The following DNAH11 variants were observed in gnomAD, a reference collection of about 807,000 sequenced individuals.
DNAH11 encodes dynein axonemal heavy chain 11, also known as axonemal beta dynein heavy chain 11.
DNAH11 carries 442 observed loss-of-function variants against 526.0 expected under a neutral mutation model. The observed-to-expected ratio is 0.84, with a 90% CI of 0.78 to 0.91. DNAH11 has a LOEUF of 0.91. DNAH11 is among the 40% of genes least tolerant of loss of function. The pLI, the probability that DNAH11 is intolerant of heterozygous loss-of-function variation, is 0.00. For missense variants in DNAH11, 6,989 were observed against 5,448.7 expected, an observed-to-expected ratio of 1.28 and a Z score of -8.90; for synonymous variants, 2,461 against 1,935.9, an observed-to-expected ratio of 1.27 and a Z score of -7.12.
intron 28 of DNAH11, among the ~76,000 whole-genome samples, chr7:21,643,282 T>C (rs1301366019): frequency 6.6e-6 from 1 of 152,346 alleles, no homozygotes; most frequent in East Asian, 1.9e-4. Context: ...CCCTTTCAGG[T>C]TGTTATATAC....
Position 21,570,127 on chromosome 7 carries a change from A to C in DNAH11, c.1253A>C (p.Glu418Ala). Reference sequence around the variant, plus strand: ...AGGGGAGAAATAGAAGAGTCACTGGAAAAGGTGCAGGTGGCTGTTAACATC... The same window carrying C: ...AGGGGAGAAATAGAAGAGTCACTGGCAAAGGTGCAGGTGGCTGTTAACATC... The part of the protein sequence containing the change: ...LLRGEIEESL[E>A]KVQVAVNILK... Residue 418 changes from glutamate (E) to alanine (A), a missense_variant, in exon 7 of 82, where the codon GAA (glutamate) becomes GCA (alanine). Transcript: ENST00000409508. 7 of 1,612,760 alleles carry C rather than the reference A, an allele frequency of 4.3e-6. No homozygotes were observed. The highest frequency in any genetic ancestry group is 5.9e-6 in the Non-Finnish European group (7 of 1,179,372).
intron 56 of DNAH11, among the ~76,000 whole-genome samples, chr7:21,778,583 C>T (rs149561345): frequency 8.7e-4 from 132 of 152,256 alleles, no homozygotes; most frequent in African/African-American, 3.1e-3. Flanking sequence ...GTTCTTCCAG[C>T]TCATCACCAA....
intron 30 of DNAH11, among the ~76,000 whole-genome samples, chr7:21,675,458 C>G (rs1051473269): frequency 6.6e-6 from 1 of 152,216 alleles, no homozygotes; most frequent in Non-Finnish European, 1.5e-5. Context: ...AAGTGCCTTT[C>G]TAATCCCTAT....
rs1784136366 is a variant in DNAH11, at chr7:21,577,383, T to G, written c.1594-4522T>G. 2.0e-5 allele frequency among the ~76,000 whole-genome samples: 3 copies of G among 152,142 alleles called. No individual in the cohort carries two copies. The South Asian group carries it at 6.2e-4, about 31-fold the overall frequency. On this transcript the variant is annotated intron_variant, in intron 8 of 81. Coordinates refer to ENST00000409508, the MANE Select transcript of DNAH11 (RefSeq NM_001277115.2). ...AACTCCCACCCTTGCTGGGGTGATG[T>G]CAGAGATGACCACATAGGGAGCCAT...
At chr7:21,760,102 A>G (rs113436317) in intron 54 of DNAH11, among the ~76,000 whole-genome samples, 3 of 148,822 alleles carry the variant, frequency 2.0e-5, no homozygotes, top group East Asian at 2.1e-4. Flanking sequence ...CTCACTTGCA[A>G]TTGTCAAGAA....
chr7:21,643,247 A>T (rs1251876022), intron 28 of DNAH11, among the ~76,000 whole-genome samples: 1 of 152,174 alleles, frequency 6.6e-6, no homozygotes, highest in Non-Finnish European at 1.5e-5. Flanking sequence ...AGTCAGACAA[A>T]ATAATATCAG....
In DNAH11 at chr7:21,599,887, T is replaced by C. The variant is rs773461950; in HGVS notation, c.2768T>C (p.Ile923Thr). 6.2e-7 allele frequency: 1 copy of C among 1,613,428 alleles called. No individual in the cohort carries two copies. The highest frequency in any genetic ancestry group is 1.3e-5 in the African/African-American group (1 of 75,042). ...DIVVEGFFQA[I>T]MHDLDFFLKN... ...GTGGTGGAAGGCTTTTTTCAGGCTA[T>C]AATGCACGACTTAGACTTCTTTCTG... The change falls in exon 15 of 82, where the codon ATA (isoleucine) becomes ACA (threonine). Residue 923 changes from isoleucine (I) to threonine (T), a missense_variant. Coordinates refer to ENST00000409508, the MANE Select transcript of DNAH11 (RefSeq NM_001277115.2).
chr7:21,774,913 CA>C (rs1787604773), intron 56 of DNAH11, among the ~76,000 whole-genome samples: 1 of 152,164 alleles, frequency 6.6e-6, no homozygotes, highest in African/African-American at 2.4e-5. Context: ...AGAGTCATGT[CA>C]TCAGGTCAGA....
At chr7:21,776,570 C>T (rs912892171) in intron 56 of DNAH11, among the ~76,000 whole-genome samples, 2 of 152,172 alleles carry the variant, frequency 1.3e-5, no homozygotes, top group African/African-American at 2.4e-5. Flanking sequence ...GCCAAATAAC[C>T]TCTCTCTAGA....
At chr7:21,766,155 A>G (rs893284037) in intron 55 of DNAH11, among the ~76,000 whole-genome samples, 1 of 152,196 alleles carries the variant, frequency 6.6e-6, no homozygotes, top group Non-Finnish European at 1.5e-5. Flanking sequence ...TTTCTTCATG[A>G]TGACAAATTT....
chr7:21,632,566 A>G (rs1206824882), intron 25 of DNAH11, among the ~76,000 whole-genome samples: 2 of 152,152 alleles, frequency 1.3e-5, no homozygotes, highest in East Asian at 1.9e-4. Flanking sequence ...AAAAGTGCCA[A>G]AAATCTCTAG....
chr7:21,777,936 G>T (rs748703790), intron 56 of DNAH11, among the ~76,000 whole-genome samples: 1 of 152,184 alleles, frequency 6.6e-6, no homozygotes, highest in Non-Finnish European at 1.5e-5. Flanking sequence ...TTTAGCATTT[G>T]AGTTAAAATA....
Position 21,852,615 on chromosome 7 carries a change from C to G in DNAH11, c.11045C>G (p.Ala3682Gly). 6.3e-7 allele frequency: 1 copy of G among 1,598,484 alleles called. No homozygotes were observed. Among genetic ancestry groups the G allele is most frequent in the Non-Finnish European group, 8.5e-7 (1 of 1,173,914 alleles). The change falls in exon 67 of 82, where the codon GCA becomes GGA. Residue 3682 changes from alanine (A) to glycine (G), a missense_variant. Transcript: ENST00000409508. ...ERLEATKTTV[A>G]EIEHKVIEAK... ...TTGGAGGCAACAAAGACCACCGTGG[C>G]AGAGATAGAGCACAAGGTAGGAAGG...
intron 68 of DNAH11, among the ~76,000 whole-genome samples, chr7:21,859,104 A>T (rs1017323298): frequency 4.7e-5 from 7 of 150,368 alleles, no homozygotes; most frequent in Non-Finnish European, 8.9e-5. Flanking sequence ...ACATACATGA[A>T]TTTTTTTTTT....
intron 21 of DNAH11, among the ~76,000 whole-genome samples, chr7:21,615,843 G>C (rs960352113): frequency 2.0e-5 from 3 of 152,012 alleles, no homozygotes; most frequent in South Asian, 2.1e-4. Flanking sequence ...TGTTTATAAT[G>C]GTTGAAAATT....
intron 70 of DNAH11, among the ~76,000 whole-genome samples, chr7:21,865,567 A>T (rs971345647): frequency 6.6e-5 from 10 of 152,180 alleles, no homozygotes; most frequent in African/African-American, 1.4e-4. Context: ...AAGTTATGGG[A>T]GAGAGCCAAC....
intron 30 of DNAH11, among the ~76,000 whole-genome samples, chr7:21,666,673 C>G (rs1173108836): frequency 6.6e-6 from 1 of 151,894 alleles, no homozygotes; most frequent in Non-Finnish European, 1.5e-5. Context: ...ATATTGGTAG[C>G]ATTCTTATCT....
At chr7:21,829,452 T>C (rs557856319) in intron 65 of DNAH11, among the ~76,000 whole-genome samples, 1 of 152,294 alleles carries the variant, frequency 6.6e-6, no homozygotes, top group African/African-American at 2.4e-5. Flanking sequence ...GTTTTGCAAA[T>C]CTTTTGAAAA....
intron 35 of DNAH11, among the ~76,000 whole-genome samples, chr7:21,693,897 C>T (rs1783734795): frequency 6.6e-6 from 1 of 152,134 alleles, no homozygotes; most frequent in Non-Finnish European, 1.5e-5. Flanking sequence ...ACACTGATGG[C>T]AGAAGGCTAA....
Sources: allele counts gnomAD v4.1 joint callset (sites outside exome capture counted in the v4.1 genomes callset), GRCh38; gene constraint gnomAD v4.1.1; transcripts MANE v1.5; gene names NCBI Gene and HGNC (gene_info 2026-07-23, HGNC 2026-07-21).